HMGCLL1: variants seen among roughly 807,000 people sequenced by gnomAD.
The protein encoded by HMGCLL1 is 3-hydroxy-3-methylglutaryl-CoA lyase like 1.
In HMGCLL1, 36 loss-of-function variants were observed where a neutral mutation model predicts 39.1. The ratio of observed to expected loss-of-function variants is 0.92; its 90% CI spans 0.71 to 1.22. The LOEUF is 1.22. HMGCLL1 is among the 50% of genes most tolerant of loss of function. HMGCLL1 has a pLI of 0.00. For missense variants in HMGCLL1, 451 were observed against 416.5 expected, an observed-to-expected ratio of 1.08 and a Z score of -0.72; for synonymous variants, 149 against 144.0, an observed-to-expected ratio of 1.03 and a Z score of -0.25.
chr6:55,598,666 T>G, the HMGCLL1 span, among the ~76,000 whole-genome samples: 746 of 152,254 alleles, frequency 4.9e-3, 8 homozygotes, highest in African/African-American at 0.017. Flanking sequence ...AAGTTAATTA[T>G]TTTTTGCATG....
intron 1 of HMGCLL1, among the ~76,000 whole-genome samples, chr6:55,571,937 C>A (rs1771519193): frequency 6.6e-6 from 1 of 151,982 alleles, no homozygotes; most frequent in Non-Finnish European, 1.5e-5. Flanking sequence ...GAGAAATGGG[C>A]AGGTATAGTC....
chr6:55,545,980 G>A (rs1769942847), intron 1 of HMGCLL1, among the ~76,000 whole-genome samples: 1 of 152,074 alleles, frequency 6.6e-6, no homozygotes, highest in Admixed American at 6.6e-5. Context: ...TGCACTTGGG[G>A]AACCTCAGAA....
upstream of HMGCLL1, among the ~76,000 whole-genome samples, chr6:55,580,494 A>C (rs191187983): frequency 7.5e-6 from 1 of 134,034 alleles, no homozygotes; most frequent in Non-Finnish European, 1.5e-5. Flanking sequence ...CGGCTCACTG[A>C]AAGCTTCTCC....
chr6:55,598,088 T>A, the HMGCLL1 span, among the ~76,000 whole-genome samples: 3 of 152,164 alleles, frequency 2.0e-5, no homozygotes, highest in African/African-American at 7.2e-5. Flanking sequence ...GCTCAAGTCA[T>A]ATAAGGTCCT....
intron 7 of HMGCLL1, among the ~76,000 whole-genome samples, chr6:55,481,813 T>C (rs72970094): frequency 1.7e-4 from 26 of 152,122 alleles, no homozygotes; most frequent in South Asian, 8.3e-4. Context: ...TACCTACCTA[T>C]CTACCTACCT....
the HMGCLL1 span, among the ~76,000 whole-genome samples, chr6:55,662,486 A>G: frequency 6.6e-6 from 1 of 151,780 alleles, no homozygotes; most frequent in Non-Finnish European, 1.5e-5. Context: ...GATCACATTT[A>G]TTGATTTGTG....
the HMGCLL1 span, among the ~76,000 whole-genome samples, chr6:55,637,190 C>T: frequency 5.3e-5 from 8 of 152,100 alleles, no homozygotes; most frequent in East Asian, 1.9e-4. Flanking sequence ...ATAGACTTGA[C>T]GAGCTTTTAT....
At chr6:55,508,502 G>A (rs916746255) in intron 5 of HMGCLL1, among the ~76,000 whole-genome samples, 34 of 151,598 alleles carry the variant, frequency 2.2e-4, no homozygotes, top group Middle Eastern at 3.2e-3. Context: ...GGTATTCTGT[G>A]TTCTAATTTC....
At chr6:55,663,457 G>A in the HMGCLL1 span, among the ~76,000 whole-genome samples, 2 of 151,878 alleles carry the variant, frequency 1.3e-5, no homozygotes, top group Non-Finnish European at 2.9e-5. Flanking sequence ...AAGTCAATCA[G>A]GAGCACATTG....
chr6:55,468,691 T>A (rs1223928332), intron 7 of HMGCLL1, among the ~76,000 whole-genome samples: 4 of 151,966 alleles, frequency 2.6e-5, no homozygotes, highest in African/African-American at 7.2e-5. Flanking sequence ...AAGGGAACAA[T>A]GGAGCATAGA....
At chr6:55,499,701 A>G (rs796638289) in intron 5 of HMGCLL1, among the ~76,000 whole-genome samples, 2 of 152,060 alleles carry the variant, frequency 1.3e-5, no homozygotes, top group East Asian at 3.9e-4. Flanking sequence ...GTAGTAAACT[A>G]ACTGAATTTT....
the HMGCLL1 span, among the ~76,000 whole-genome samples, chr6:55,637,712 A>AAATGTGTGTG: frequency 2.2e-5 from 1 of 44,510 alleles, no homozygotes; most frequent in African/African-American, 9.7e-5. Flanking sequence ...CTATAATTTG[A>AAATGTGTGTG]TATGTGTGTG....
chr6:55,541,893 A>T, intron 2 of HMGCLL1, 57 bp from the exon 3 acceptor site: 1 of 1,077,614 alleles, frequency 9.3e-7, no homozygotes, highest in Non-Finnish European at 1.4e-6. Context: ...TTAAGCACAA[A>T]CAGAAAATTA....
the HMGCLL1 span, among the ~76,000 whole-genome samples, chr6:55,631,980 A>C: frequency 3.3e-5 from 5 of 152,066 alleles, no homozygotes; most frequent in African/African-American, 1.2e-4. Context: ...AGTTTTTCTG[A>C]AATTAGTTTC....
chr6:55,593,247 C>T, the HMGCLL1 span, among the ~76,000 whole-genome samples: 1 of 152,178 alleles, frequency 6.6e-6, no homozygotes, highest in East Asian at 1.9e-4. Flanking sequence ...TATCATAAAG[C>T]TGCTTACATG....
At chr6:55,599,054 G>C in the HMGCLL1 span, among the ~76,000 whole-genome samples, 1 of 152,066 alleles carries the variant, frequency 6.6e-6, no homozygotes, top group African/African-American at 2.4e-5. Flanking sequence ...ATAAGTGGGA[G>C]CTGAACAATG....
chr6:55,678,445 AG>A, the HMGCLL1 span, among the ~76,000 whole-genome samples: 1 of 152,150 alleles, frequency 6.6e-6, no homozygotes, highest in African/African-American at 2.4e-5. Context: ...TATGGTCTTA[AG>A]GGGGCCAACC....
At chr6:55,651,472 C>G in the HMGCLL1 span, among the ~76,000 whole-genome samples, 1 of 152,168 alleles carries the variant, frequency 6.6e-6, no homozygotes, top group South Asian at 2.1e-4. Context: ...AGACAAAGTC[C>G]TCTTTATTCT....
the HMGCLL1 span, among the ~76,000 whole-genome samples, chr6:55,673,557 C>T: frequency 0.029 from 4,477 of 151,934 alleles, 234 homozygotes; most frequent in African/African-American, 0.1. Flanking sequence ...ATAGCAAACA[C>T]CGTTAACAGA....
Sources: gnomAD v4.1 joint callset for allele counts (sites outside exome capture counted in the v4.1 genomes callset) on GRCh38, gnomAD v4.1.1 for gene constraint, MANE v1.5 for transcripts, NCBI Gene and HGNC (gene_info 2026-07-23, HGNC 2026-07-21) for gene names.